The following SLC35A1 variants were observed in gnomAD, a reference collection of about 807,000 sequenced individuals.
SLC35A1 encodes CMP-sialic acid transporter.
Under a neutral mutation model 40.3 loss-of-function variants are expected in SLC35A1, and 21 were observed. The observed-to-expected ratio is 0.52, with a 90% CI of 0.37 to 0.75. The LOEUF is 0.75. Among genes scored for constraint, SLC35A1 ranks in the 30% least tolerant of loss-of-function variants. The pLI is 0.00. For synonymous variants in SLC35A1, 146 were observed against 147.3 expected (o/e 0.99, Z 0.06); for missense variants, 297 against 382.1 (o/e 0.78, Z 1.86).
At chr6:87,496,176 A>G (rs1402325727) in intron 2 of SLC35A1, 1 of 152,172 alleles carries the variant, frequency 6.6e-6, no homozygotes, top group African/African-American at 2.4e-5. Context: ...GAGGTCAGAA[A>G]GAATGGTTTC....
chr6:87,482,433 A>G (rs1769271313), intron 2 of SLC35A1, among the ~76,000 whole-genome samples: 1 of 152,228 alleles, frequency 6.6e-6, no homozygotes, highest in Non-Finnish European at 1.5e-5. Flanking sequence ...CTTTGCTATT[A>G]ATAAGACTTT....
At chr6:87,495,073 A>T (rs150597101) in intron 2 of SLC35A1, among the ~76,000 whole-genome samples, 101 of 151,674 alleles carry the variant, frequency 6.7e-4, no homozygotes, top group African/African-American at 2.4e-3. Flanking sequence ...GGGCTCAAGC[A>T]ATCCTTCTGC....
chr6:87,490,664 G>GT (rs1769524396), intron 2 of SLC35A1, among the ~76,000 whole-genome samples: 1 of 152,158 alleles, frequency 6.6e-6, no homozygotes, highest in African/African-American at 2.4e-5. Flanking sequence ...GAAGGCAACG[G>GT]TGCATATGTT....
chr6:87,499,559 A>C (rs1489605835), intron 2 of SLC35A1, among the ~76,000 whole-genome samples: 2 of 151,974 alleles, frequency 1.3e-5, no homozygotes, highest in Non-Finnish European at 2.9e-5. Context: ...GAGCATGCAT[A>C]ATCAATATGC....
At chr6:87,511,220 C>A (rs878927122) in intron 7 of SLC35A1, among the ~76,000 whole-genome samples, 179 bp from the exon 8 acceptor site, 2 of 152,092 alleles carry the variant, frequency 1.3e-5, no homozygotes, top group Admixed American at 6.6e-5. Flanking sequence ...ATTTTACCCG[C>A]CCTGCCTCCC....
At position 87,477,392 on chromosome 6, in the gene SLC35A1, G is replaced by T. The variant is rs1217106681; in HGVS notation, c.47G>T (p.Cys16Phe). ...DNVTLLFKLY[C>F]LAVMTLMAAV... The stretch of plus-strand genomic sequence containing the variant: ...GTCACTTTATTATTCAAGTTATACT[G>T]CTTGGCAGTGATGACCCTGATGGCT... Residue 16 changes from cysteine (C) to phenylalanine (F), a missense_variant, in exon 2 of 8, where the codon TGC becomes TTC. Cys to Phe is a radical substitution (Grantham distance 205, BLOSUM62 -2). Coordinates refer to ENST00000369552, the MANE Select transcript of SLC35A1 (RefSeq NM_006416.5). 2.5e-6 allele frequency: 4 copies of T among 1,613,554 alleles called. No individual in the cohort carries two copies. In the Admixed American group the frequency reaches 6.7e-5, roughly 27 times the overall value.
chr6:87,489,173 A>G (rs960054249), intron 2 of SLC35A1, among the ~76,000 whole-genome samples: 1 of 152,210 alleles, frequency 6.6e-6, no homozygotes, highest in Non-Finnish European at 1.5e-5. Flanking sequence ...TCCTGGTTAT[A>G]TGCTGTGGCT....
chr6:87,500,066 C>T (rs1769871527), intron 2 of SLC35A1, among the ~76,000 whole-genome samples: 2 of 152,100 alleles, frequency 1.3e-5, no homozygotes, highest in Non-Finnish European at 2.9e-5. Context: ...AGCGCCACTG[C>T]ACTCCAGCCG....
In SLC35A1 at chr6:87,500,488, T is replaced by TC; in HGVS notation, c.195-15dup. 1 of 1,613,266 alleles carries TC rather than the reference T, an allele frequency of 6.2e-7. No homozygotes were observed. The highest frequency in any genetic ancestry group is 1.1e-5 in the South Asian group (1 of 91,048). On this transcript the variant is annotated intron_variant, in intron 2 of 7. Coordinates refer to ENST00000369552, the MANE Select transcript of SLC35A1 (RefSeq NM_006416.5). Reference sequence around the variant, plus strand: ...TTTTCTTCCTTACCACCCTCTCATCTCCCCCTTTTGTTTTCAAAGAGAAAC... The same window carrying TC: ...TTTTCTTCCTTACCACCCTCTCATCTCCCCCCTTTTGTTTTCAAAGAGAAAC...
chr6:87,483,302 T>C (rs72922514), intron 2 of SLC35A1, among the ~76,000 whole-genome samples: 3,098 of 152,086 alleles, frequency 0.02, 49 homozygotes, highest in Non-Finnish European at 0.034. Flanking sequence ...CTGCTGTTCT[T>C]CCCTCTCCTC....
At chr6:87,500,709 T>C (rs1475211338) in intron 3 of SLC35A1, 42 bp downstream of exon 3, 5 of 1,598,870 alleles carry the variant, frequency 3.1e-6, no homozygotes, top group Non-Finnish European at 4.3e-6. Context: ...GAATCTTTTA[T>C]GGTAAAAAGA....
chr6:87,508,043 A>C (rs1469179514), intron 5 of SLC35A1, among the ~76,000 whole-genome samples: 1 of 152,180 alleles, frequency 6.6e-6, no homozygotes, highest in African/African-American at 2.4e-5. Flanking sequence ...GGATGTGATT[A>C]AGATAATTCA....
intron 4 of SLC35A1, among the ~76,000 whole-genome samples, chr6:87,505,241 A>G (rs184516774): frequency 6.6e-6 from 1 of 152,312 alleles, no homozygotes; most frequent in East Asian, 1.9e-4. Context: ...TATTTTGAAC[A>G]AGGTATATAC....
At chr6:87,502,946 GTTGAGT>G (rs1769965313) in intron 4 of SLC35A1, among the ~76,000 whole-genome samples, 1 of 152,024 alleles carries the variant, frequency 6.6e-6, no homozygotes, top group Non-Finnish European at 1.5e-5. Context: ...CAGAATGCAG[GTTGAGT>G]TTGTATTTAT....
chr6:87,477,997 TAAC>T lies in SLC35A1; in HGVS notation c.194+460_194+462del, dbSNP rs199623450. On this transcript the variant is annotated intron_variant, in intron 2 of 7. Transcript: ENST00000369552. ...GTGTTTTGGATGAATATAATAATAA[TAAC>T]ATTTCTTGAGTGTTTCCTATGTTAA... Among the ~76,000 whole-genome samples, 6 of 152,362 alleles carry T rather than the reference TAAC, an allele frequency of 3.9e-5. No individual in the cohort carries two copies. In the East Asian group the frequency reaches 1.2e-3, roughly 29 times the overall value.
chr6:87,492,730 A>G (rs143942637), intron 2 of SLC35A1, among the ~76,000 whole-genome samples: 26 of 151,824 alleles, frequency 1.7e-4, no homozygotes, highest in Non-Finnish European at 2.9e-4. Context: ...TTGTATTTTT[A>G]GTAGAGATGG....
chr6:87,503,903 A>G (rs964471669), intron 4 of SLC35A1, among the ~76,000 whole-genome samples: 1 of 152,140 alleles, frequency 6.6e-6, no homozygotes, highest in Non-Finnish European at 1.5e-5. Context: ...GTCATCTCTA[A>G]ATCTGTTCTA....
Position 87,505,135 on chromosome 6 carries a change from T to C in SLC35A1, c.508-1247T>C, listed in dbSNP as rs550733730. 1.6e-4 allele frequency among the ~76,000 whole-genome samples: 25 copies of C among 152,354 alleles called. No individual in the cohort carries two copies. The South Asian group carries it at 5.0e-3, about 30-fold the overall frequency. Reference sequence around the variant, plus strand: ...CTTTGAGAACCACTGGTCTACAGTGTCTTCTGTTTCTCCTTTTATCTTCAT... The same window carrying C: ...CTTTGAGAACCACTGGTCTACAGTGCCTTCTGTTTCTCCTTTTATCTTCAT... On this transcript the variant is annotated intron_variant, in intron 4 of 7. Coordinates refer to ENST00000369552, the MANE Select transcript of SLC35A1 (RefSeq NM_006416.5).
In SLC35A1 at chr6:87,508,534, G is replaced by A. The variant is rs1184203475; in HGVS notation, c.689G>A (p.Gly230Glu). 8.1e-6 allele frequency: 13 copies of A among 1,613,136 alleles called. No individual in the cohort carries two copies. The highest frequency in any genetic ancestry group is 1.1e-5 in the Non-Finnish European group (13 of 1,179,606). ...TTAGCTGGCGTCTACTTGTCAGATG[G>A]AGCTGAAATTAAAGAAAAAGGATTT... is the stretch of plus-strand genomic sequence containing the variant. Reference protein sequence around the residue: ...VTLAGVYLSDGAEIKEKGFFY... With the variant: ...VTLAGVYLSDEAEIKEKGFFY... The change falls in exon 6 of 8, where the codon GGA becomes GAA. Residue 230 changes from glycine (G) to glutamate (E), a missense_variant. Coordinates refer to ENST00000369552, the MANE Select transcript of SLC35A1 (RefSeq NM_006416.5).
Sources: allele counts gnomAD v4.1 joint callset (sites outside exome capture counted in the v4.1 genomes callset), GRCh38; gene constraint gnomAD v4.1.1; transcripts MANE v1.5; gene names NCBI Gene and HGNC (gene_info 2026-07-23, HGNC 2026-07-21).